Variants in FHIT observed in about 807,000 individuals in gnomAD.
FHIT encodes the protein fragile histidine triad diadenosine triphosphatase, also known as bis(5'-adenosyl)-triphosphatase.
FHIT carries 19 observed loss-of-function variants against 17.9 expected under a neutral mutation model. The observed-to-expected ratio is 1.06, with a 90% CI of 0.74 to 1.56. The LOEUF (loss-of-function observed/expected upper bound fraction) is 1.56. FHIT is among the 40% of genes most tolerant of loss of function. The pLI is 0.00. For synonymous variants in FHIT, 81 were observed against 69.7 expected (o/e 1.16, Z -0.81); for missense variants, 248 against 189.2 (o/e 1.31, Z -1.82).
At chr3:60,286,196 A>G (rs1053001798) in intron 5 of FHIT, among the ~76,000 whole-genome samples, 1 of 152,214 alleles carries the variant, frequency 6.6e-6, no homozygotes, top group Non-Finnish European at 1.5e-5. Flanking sequence ...AATCTGGAAC[A>G]CCACAATGAA....
chr3:60,412,009 G>A (rs542315452), intron 5 of FHIT, among the ~76,000 whole-genome samples: 4 of 152,032 alleles, frequency 2.6e-5, no homozygotes, highest in South Asian at 2.1e-4. Flanking sequence ...TGCCTGGGGT[G>A]GGGGGAAACA....
At chr3:61,038,196 T>C (rs2033347548) in intron 3 of FHIT, among the ~76,000 whole-genome samples, 1 of 152,218 alleles carries the variant, frequency 6.6e-6, no homozygotes, top group African/African-American at 2.4e-5. Context: ...TCAGCTTCAA[T>C]AAAACAGGTT....
intron 4 of FHIT, among the ~76,000 whole-genome samples, chr3:60,582,842 T>C (rs1465058141): frequency 2.0e-5 from 3 of 152,054 alleles, no homozygotes; most frequent in African/African-American, 7.2e-5. Context: ...AATATCCTAC[T>C]TGATTCTCAG....
chr3:61,118,901 C>T (rs1484429381), intron 2 of FHIT, among the ~76,000 whole-genome samples: 1 of 152,104 alleles, frequency 6.6e-6, no homozygotes, highest in East Asian at 1.9e-4. Flanking sequence ...TGATCCTAGT[C>T]CCACTGGACC....
chr3:60,860,343 C>CATCATATGTATACATGACATAT (rs1553751291), intron 3 of FHIT, among the ~76,000 whole-genome samples: 1 of 143,592 alleles, frequency 7.0e-6, no homozygotes, highest in African/African-American at 2.8e-5. Context: ...ACATGAGATA[C>CATCATATGTATACATGACATAT]ATCATATGTA....
At chr3:60,156,524 G>C (rs368098388) in intron 5 of FHIT, among the ~76,000 whole-genome samples, 24 of 152,204 alleles carry the variant, frequency 1.6e-4, no homozygotes, top group East Asian at 1.5e-3. Context: ...CAAGGCGGAA[G>C]AATCACTAGA....
intron 4 of FHIT, among the ~76,000 whole-genome samples, chr3:60,578,678 A>G (rs923689708): frequency 6.6e-6 from 1 of 152,166 alleles, no homozygotes; most frequent in African/African-American, 2.4e-5. Flanking sequence ...AAACGTTCAC[A>G]TAAAACAAAA....
intron 5 of FHIT, among the ~76,000 whole-genome samples, chr3:60,086,038 G>C (rs182877526): frequency 1.3e-5 from 2 of 152,262 alleles, no homozygotes; most frequent in East Asian, 3.9e-4. Context: ...TCAAGATTGG[G>C]TATCTGCATC....
At chr3:60,620,832 C>T (rs1037654405) in intron 4 of FHIT, among the ~76,000 whole-genome samples, 9 of 151,992 alleles carry the variant, frequency 5.9e-5, no homozygotes, top group Non-Finnish European at 8.8e-5. Context: ...AAAATTGGCT[C>T]ATCAAATGTA....
chr3:60,504,037 A>G (rs2034626290), intron 5 of FHIT, among the ~76,000 whole-genome samples: 1 of 152,224 alleles, frequency 6.6e-6, no homozygotes. Flanking sequence ...CTACACAGAT[A>G]AATGACCACA....
intron 5 of FHIT, among the ~76,000 whole-genome samples, chr3:60,245,149 C>G (rs577968022): frequency 4.6e-4 from 70 of 152,090 alleles, no homozygotes; most frequent in African/African-American, 1.6e-3. Flanking sequence ...AAGTCATGAG[C>G]TTCATTTAAT....
At chr3:61,193,744 C>G (rs1196279080) in intron 2 of FHIT, among the ~76,000 whole-genome samples, 1 of 152,178 alleles carries the variant, frequency 6.6e-6, no homozygotes, top group Non-Finnish European at 1.5e-5. Flanking sequence ...TGAGCAACCA[C>G]AGGATTCCAC....
intron 5 of FHIT, among the ~76,000 whole-genome samples, chr3:60,349,448 G>A (rs1272721183): frequency 1.3e-5 from 2 of 152,114 alleles, no homozygotes; most frequent in African/African-American, 4.8e-5. Context: ...ATTTCCAGAT[G>A]TTTTCTGGAA....
chr3:60,168,338 T>A (rs529523522), intron 5 of FHIT, among the ~76,000 whole-genome samples: 1 of 152,188 alleles, frequency 6.6e-6, no homozygotes, highest in Non-Finnish European at 1.5e-5. Flanking sequence ...TTCAAGTACA[T>A]TGTCTATTAA....
At chr3:60,416,957 C>A (rs242191) in intron 5 of FHIT, among the ~76,000 whole-genome samples, 2 of 151,782 alleles carry the variant, frequency 1.3e-5, no homozygotes, top group Admixed American at 6.6e-5. Flanking sequence ...GGCGTGGTGG[C>A]AGGCGCCTGT....
At position 60,375,377 on chromosome 3, in the gene FHIT, T is replaced by C. The variant is rs369900196; in HGVS notation, c.103+161483A>G. The stretch of plus-strand genomic sequence containing the variant: ...TGAGTTCAGGAGTTCGAGACTACCC[T>C]GGGCAACAAGGAAAAACCCCATCTC... On this transcript the variant is annotated intron_variant, in intron 5 of 9. Transcript: ENST00000492590. Among the ~76,000 whole-genome samples the C allele has an allele frequency of 1.7e-3, 252 of 148,460 alleles. 1 individual carries two copies. The South Asian group carries it at 0.02, about 12-fold the overall frequency.
At chr3:61,023,659 C>A (rs184637125) in intron 3 of FHIT, among the ~76,000 whole-genome samples, 2 of 152,166 alleles carry the variant, frequency 1.3e-5, no homozygotes, top group African/African-American at 4.8e-5. Flanking sequence ...ATATATAGAC[C>A]AATGAAACAG....
chr3:59,884,254 T>A (rs1703527065), intron 8 of FHIT, among the ~76,000 whole-genome samples: 1 of 152,232 alleles, frequency 6.6e-6, no homozygotes, highest in African/African-American at 2.4e-5. Context: ...TTGGTGTATA[T>A]TTTATGATTA....
At chr3:59,781,211 C>A (rs116646249) in intron 8 of FHIT, among the ~76,000 whole-genome samples, 1 of 152,092 alleles carries the variant, frequency 6.6e-6, no homozygotes, top group Non-Finnish European at 1.5e-5. Flanking sequence ...GGGTCCCAAG[C>A]GCACAGCCAA....
Sources: allele counts gnomAD v4.1 joint callset (sites outside exome capture counted in the v4.1 genomes callset), GRCh38; gene constraint gnomAD v4.1.1; transcripts MANE v1.5; gene names NCBI Gene and HGNC (gene_info 2026-07-23, HGNC 2026-07-21).